DDX31: variants seen among roughly 807,000 people sequenced by gnomAD.
DDX31 encodes the protein ATP-dependent DNA helicase DDX31.
In DDX31, 70 loss-of-function variants were observed where a neutral mutation model predicts 91.3. The ratio of observed to expected loss-of-function variants is 0.77; its 90% CI spans 0.63 to 0.94. DDX31 has a LOEUF of 0.94. Among genes scored for constraint, DDX31 ranks in the 40% least tolerant of loss-of-function variants. The pLI is 0.00. For synonymous variants in DDX31, 362 were observed against 350.6 expected, an observed-to-expected ratio of 1.03 and a Z score of -0.36; for missense variants, 902 against 925.0, an observed-to-expected ratio of 0.98 and a Z score of 0.32.
At chr9:132,660,511 G>GC (rs1184126645) in intron 4 of DDX31, among the ~76,000 whole-genome samples, 6 of 152,166 alleles carry the variant, frequency 3.9e-5, no homozygotes, top group African/African-American at 9.7e-5. Flanking sequence ...AGAGCCAGCA[G>GC]CAGCTGTCCA....
At chr9:132,639,530 T>G (rs961680822) in intron 14 of DDX31, among the ~76,000 whole-genome samples, 2 of 152,218 alleles carry the variant, frequency 1.3e-5, no homozygotes, top group African/African-American at 4.8e-5. Flanking sequence ...GCCAAGACAA[T>G]GGCATTCTTT....
intron 19 of DDX31, among the ~76,000 whole-genome samples, chr9:132,603,261 T>C (rs971365485): frequency 6.6e-6 from 1 of 152,222 alleles, no homozygotes. Context: ...GACTATTAAG[T>C]AGTTAACAAA....
intron 17 of DDX31, 143 bp from the exon 18 acceptor site, chr9:132,618,584 A>G: frequency 3.3e-6 from 2 of 604,908 alleles, no homozygotes; most frequent in East Asian, 3.2e-5. Context: ...ATTACTAGGA[A>G]AAAAGGGAGC....
At chr9:132,597,058 TCA>T (rs950103156) in intron 19 of DDX31, among the ~76,000 whole-genome samples, 2 of 152,094 alleles carry the variant, frequency 1.3e-5, no homozygotes, top group African/African-American at 4.8e-5. Context: ...TGGATCGCAG[TCA>T]CAGTTAAACA....
At chr9:132,664,506 C>T (rs1835182208) in intron 1 of DDX31, among the ~76,000 whole-genome samples, 3 of 151,982 alleles carry the variant, frequency 2.0e-5, no homozygotes, top group African/African-American at 4.8e-5. Flanking sequence ...GCCAGGAGTT[C>T]GAGACCAGCC....
At chr9:132,656,536 G>A (rs1411495571) in intron 6 of DDX31, among the ~76,000 whole-genome samples, 1 of 152,132 alleles carries the variant, frequency 6.6e-6, no homozygotes, top group Non-Finnish European at 1.5e-5. Context: ...CCTGATCCCA[G>A]CCCTTGGAGA....
chr9:132,646,670 G>C (rs1340479920), intron 12 of DDX31, among the ~76,000 whole-genome samples, 153 bp downstream of exon 12: 1 of 152,182 alleles, frequency 6.6e-6, no homozygotes. Flanking sequence ...AAACCTGACT[G>C]AAAGGATGTA....
intron 6 of DDX31, 84 bp from the exon 7 acceptor site, chr9:132,652,576 G>A: frequency 5.2e-6 from 8 of 1,534,336 alleles, no homozygotes; most frequent in Non-Finnish European, 6.3e-6. Context: ...GTGGCCGGTT[G>A]TAGAACATCA....
intron 7 of DDX31, 42 bp from the exon 8 acceptor site, chr9:132,651,158 C>A: frequency 6.6e-7 from 1 of 1,518,144 alleles, no homozygotes; most frequent in Non-Finnish European, 8.9e-7. Flanking sequence ...ACAGGATCCC[C>A]CTTTTTTTTT....
intron 14 of DDX31, among the ~76,000 whole-genome samples, chr9:132,636,830 A>G (rs1304572390): frequency 6.6e-6 from 1 of 152,164 alleles, no homozygotes; most frequent in East Asian, 1.9e-4. Context: ...GTCTAGGAAG[A>G]GAGAACTGGA....
intron 13 of DDX31, among the ~76,000 whole-genome samples, chr9:132,644,685 C>T (rs540788562): frequency 4.6e-5 from 7 of 152,284 alleles, no homozygotes; most frequent in African/African-American, 7.2e-5. Context: ...ACGCTTGGAT[C>T]GACGCCGCAG....
intron 19 of DDX31, among the ~76,000 whole-genome samples, chr9:132,601,266 G>T (rs1830706069): frequency 1.3e-5 from 2 of 152,226 alleles, no homozygotes; most frequent in South Asian, 2.1e-4. Flanking sequence ...GGCCTACGCT[G>T]GCAAGGTGAG....
chr9:132,607,609 G>C (rs887495472), intron 19 of DDX31, among the ~76,000 whole-genome samples: 1 of 152,154 alleles, frequency 6.6e-6, no homozygotes, highest in African/African-American at 2.4e-5. Flanking sequence ...ACATAAAATA[G>C]GGTGGTTTAG....
intron 14 of DDX31, among the ~76,000 whole-genome samples, chr9:132,632,459 T>C (rs1451761735): frequency 6.6e-6 from 1 of 152,100 alleles, no homozygotes; most frequent in Non-Finnish European, 1.5e-5. Flanking sequence ...AAACAGTAAT[T>C]ATCAGTTGTG....
chr9:132,645,860 C>T lies in DDX31; in HGVS notation c.1380+35G>A, dbSNP rs767079626. 1.9e-6 allele frequency: 3 copies of T among 1,585,180 alleles called. No homozygotes were observed. The East Asian group carries it at 6.8e-5, about 36-fold the overall frequency. ...TCGCCCCCATCTCCACGTGGGGCCG[C>T]AGTGTTGTCGCTGCACAGGGAGATC... On this transcript the variant is annotated intron_variant, in intron 13 of 19. Transcript: ENST00000372159.
rs536389274 is a variant in DDX31 at position 132,633,436 on chromosome 9, T to A, written c.1441-1345A>T. 1.9e-4 allele frequency among the ~76,000 whole-genome samples: 28 copies of A among 150,872 alleles called. No individual in the cohort carries two copies. In the South Asian group the frequency reaches 5.2e-3, roughly 28 times the overall value. ...AGGCCATTCATTTCAGCACTATATA[T>A]AATTTGTAGATCTAGAAAAAAACTG... is the stretch of plus-strand genomic sequence containing the variant. On this transcript the variant is annotated intron_variant, in intron 14 of 19. Transcript: ENST00000372159.
intron 6 of DDX31, among the ~76,000 whole-genome samples, chr9:132,657,868 T>C (rs950558839): frequency 7.9e-5 from 12 of 152,210 alleles, no homozygotes; most frequent in African/African-American, 2.7e-4. Context: ...CAACTAAAGA[T>C]AAATTCTACA....
chr9:132,647,804 A>G (rs1317540185), intron 11 of DDX31, among the ~76,000 whole-genome samples: 1 of 152,204 alleles, frequency 6.6e-6, no homozygotes, highest in African/African-American at 2.4e-5. Flanking sequence ...TAATAGCTCT[A>G]TAGGAGGAAG....
intron 16 of DDX31, among the ~76,000 whole-genome samples, chr9:132,626,483 T>C (rs982532565): frequency 1.3e-5 from 2 of 152,092 alleles, no homozygotes; most frequent in African/African-American, 2.4e-5. Context: ...AGCATTTGAA[T>C]GTAGGGAGCA....
Sources: allele counts gnomAD v4.1 joint callset (sites outside exome capture counted in the v4.1 genomes callset), GRCh38; gene constraint gnomAD v4.1.1; transcripts MANE v1.5; gene names NCBI Gene and HGNC (gene_info 2026-07-23, HGNC 2026-07-21).